The following DTWD2 variants were observed in gnomAD, a reference collection of about 807,000 sequenced individuals.
DTWD2 encodes tRNA-uridine aminocarboxypropyltransferase 2.
A neutral mutation model predicts 31.8 loss-of-function variants in DTWD2; 39 were observed. The ratio of observed to expected loss-of-function variants is 1.22; its 90% confidence interval spans 0.95 to 1.60. DTWD2 has a LOEUF of 1.60. Ranked by LOEUF, DTWD2 falls within the 40% of genes most tolerant of loss-of-function variation. The pLI is 0.00. For missense variants in DTWD2, 515 were observed against 381.5 expected (o/e 1.35, Z -2.92); for synonymous variants, 180 against 142.8 (o/e 1.26, Z -1.86).
chr5:118,925,260 C>A (rs1048539602), intron 4 of DTWD2, among the ~76,000 whole-genome samples: 4 of 152,020 alleles, frequency 2.6e-5, no homozygotes, highest in Middle Eastern at 6.8e-3. Flanking sequence ...ATCAAACAGT[C>A]CAAGTATACC....
chr5:118,909,477 T>G (rs180892185), intron 4 of DTWD2, among the ~76,000 whole-genome samples: 199 of 152,268 alleles, frequency 1.3e-3, no homozygotes, highest in Middle Eastern at 6.8e-3. Flanking sequence ...TTTCACCTTC[T>G]CAGACTTCAC....
intron 2 of DTWD2, among the ~76,000 whole-genome samples, chr5:118,942,189 T>C (rs1161338651): frequency 6.6e-6 from 1 of 152,116 alleles, no homozygotes; most frequent in East Asian, 1.9e-4. Context: ...CCAGTATTAA[T>C]AAGTTAGATG....
At chr5:118,872,329 C>T (rs1752523854) in intron 4 of DTWD2, among the ~76,000 whole-genome samples, 1 of 152,186 alleles carries the variant, frequency 6.6e-6, no homozygotes, top group East Asian at 1.9e-4. Context: ...ACTTGGCTAT[C>T]TAGCTTGGTA....
rs1580755700 is a variant in DTWD2, at chr5:118,836,710, G to C, written c.*4207C>G. 6.6e-6 allele frequency among the ~76,000 whole-genome samples: 1 copy of C among 152,262 alleles called. No homozygotes were observed. Among genetic ancestry groups the C allele is most frequent in the Admixed American group, 6.5e-5 (1 of 15,292 alleles). On this transcript the variant is annotated 3_prime_UTR_variant, in exon 6 of 6. Coordinates refer to ENST00000510708, the MANE Select transcript of DTWD2 (RefSeq NM_173666.4). ...AAGTGGAACCTTTGGGGGATGATTAGGTCATAAGGGTCTCAGAGAGCTAGC... is the reference window on the plus strand; with the variant it reads ...AAGTGGAACCTTTGGGGGATGATTACGTCATAAGGGTCTCAGAGAGCTAGC...
At chr5:118,915,654 G>C (rs529763201) in intron 4 of DTWD2, among the ~76,000 whole-genome samples, 2 of 152,258 alleles carry the variant, frequency 1.3e-5, no homozygotes, top group South Asian at 2.1e-4. Flanking sequence ...GATTACAGGC[G>C]TGAGCCACTA....
At chr5:118,981,232 T>C (rs1755292560) in intron 1 of DTWD2, among the ~76,000 whole-genome samples, 1 of 152,144 alleles carries the variant, frequency 6.6e-6, no homozygotes. Context: ...AGAGTTTATG[T>C]TGGGATGATG....
chr5:118,966,862 T>C (rs1754862574), intron 1 of DTWD2, among the ~76,000 whole-genome samples: 2 of 152,002 alleles, frequency 1.3e-5, no homozygotes, highest in South Asian at 4.1e-4. Flanking sequence ...AAACCCCGTC[T>C]CTATTAAAAA....
chr5:118,977,342 T>G (rs1755185989), intron 1 of DTWD2, among the ~76,000 whole-genome samples: 1 of 152,106 alleles, frequency 6.6e-6, no homozygotes, highest in African/African-American at 2.4e-5. Flanking sequence ...GTCAGGGCAA[T>G]CAGGCAAGAG....
intron 1 of DTWD2, among the ~76,000 whole-genome samples, chr5:118,963,292 C>G (rs929557785): frequency 6.6e-6 from 1 of 152,204 alleles, no homozygotes; most frequent in African/African-American, 2.4e-5. Flanking sequence ...GGAACTTGAG[C>G]TGGACCTTGA....
chr5:118,903,326 A>G (rs1251128702), intron 4 of DTWD2, among the ~76,000 whole-genome samples: 1 of 152,054 alleles, frequency 6.6e-6, no homozygotes, highest in Non-Finnish European at 1.5e-5. Context: ...TTCTTTGTCT[A>G]AAGAGACAGG....
intron 1 of DTWD2, among the ~76,000 whole-genome samples, chr5:118,947,769 T>C (rs1754372280): frequency 6.6e-6 from 1 of 152,182 alleles, no homozygotes; most frequent in African/African-American, 2.4e-5. Context: ...TTCCTATCAC[T>C]GGGATTACAG....
At chr5:118,923,177 TTAGA>T (rs1439730883) in intron 4 of DTWD2, among the ~76,000 whole-genome samples, 2 of 152,164 alleles carry the variant, frequency 1.3e-5, no homozygotes, top group African/African-American at 2.4e-5. Context: ...TTACAGGTAG[TTAGA>T]TAGGCATGAG....
chr5:118,868,094 C>T (rs190052115), intron 4 of DTWD2, among the ~76,000 whole-genome samples: 95 of 152,012 alleles, frequency 6.2e-4, no homozygotes, highest in African/African-American at 2.2e-3. Context: ...GATTAAAGAG[C>T]CCAAAAATAA....
intron 4 of DTWD2, among the ~76,000 whole-genome samples, chr5:118,868,289 A>C (rs985148587): frequency 1.1e-4 from 16 of 152,150 alleles, no homozygotes; most frequent in Admixed American, 3.9e-4. Flanking sequence ...ACTAAACCAT[A>C]AGTGCTAAAA....
rs201647515 is a variant in DTWD2, at chr5:118,876,561, A to C, written c.598-28343T>G. 3.9e-5 allele frequency among the ~76,000 whole-genome samples: 6 copies of C among 152,202 alleles called. No individual in the cohort carries two copies. The East Asian group carries it at 1.2e-3, about 29-fold the overall frequency. Reference sequence around the variant, plus strand: ...AACGACAAGAGGGGTATTACCACTGACCCCACAGAAGTACAAACAACTATC... The same window carrying C: ...AACGACAAGAGGGGTATTACCACTGCCCCCACAGAAGTACAAACAACTATC... On this transcript the variant is annotated intron_variant, in intron 4 of 5. Transcript: ENST00000510708.
At chr5:118,922,391 C>A (rs1184014249) in intron 4 of DTWD2, among the ~76,000 whole-genome samples, 1 of 152,014 alleles carries the variant, frequency 6.6e-6, no homozygotes, top group Non-Finnish European at 1.5e-5. Context: ...ACATTTAGAG[C>A]AAAATTTTTA....
At chr5:118,954,903 A>AT (rs558730646) in intron 1 of DTWD2, among the ~76,000 whole-genome samples, 10 of 151,390 alleles carry the variant, frequency 6.6e-5, no homozygotes, top group South Asian at 2.1e-4. Context: ...CCATTCGTTA[A>AT]TTTTTTTTTA....
At chr5:118,870,696 G>A (rs909152744) in intron 4 of DTWD2, among the ~76,000 whole-genome samples, 17 of 152,154 alleles carry the variant, frequency 1.1e-4, no homozygotes, top group African/African-American at 4.1e-4. Flanking sequence ...CAGAGTGGAG[G>A]TTGCTAAAGG....
At chr5:118,913,807 A>C (rs1257394630) in intron 4 of DTWD2, among the ~76,000 whole-genome samples, 3 of 152,140 alleles carry the variant, frequency 2.0e-5, no homozygotes, top group Non-Finnish European at 2.9e-5. Context: ...TTAATCTTTC[A>C]AAGAAAGCTG....
Sources: allele counts gnomAD v4.1 joint callset (sites outside exome capture counted in the v4.1 genomes callset), GRCh38; gene constraint gnomAD v4.1.1; transcripts MANE v1.5; gene names NCBI Gene and HGNC (gene_info 2026-07-23, HGNC 2026-07-21).